Variants in KCNH6 observed in about 807,000 individuals in gnomAD.
KCNH6 encodes potassium voltage-gated channel subfamily H member 6.
KCNH6 carries 81 observed loss-of-function variants against 83.4 expected under a neutral mutation model. The observed-to-expected ratio is 0.97, with a 90% CI of 0.81 to 1.17. The LOEUF is 1.17. Among genes scored for constraint, KCNH6 ranks in the 50% most tolerant of loss-of-function variants. The pLI, the probability that KCNH6 is intolerant of heterozygous loss-of-function variation, is 0.00. For synonymous variants in KCNH6, 503 were observed against 545.6 expected (o/e 0.92, Z 1.09); for missense variants, 1,203 against 1,290.5 (o/e 0.93, Z 1.04).
rs555639857 is a variant in KCNH6 at position 63,529,016 on chromosome 17, G to A, written c.308-1075G>A. On this transcript the variant is annotated intron_variant, in intron 2 of 12. Coordinates refer to ENST00000314672, the MANE Select transcript of KCNH6 (RefSeq NM_001278919.2). ...CGCCTGGCTAATTTTTGTATTTTTA[G>A]TACAGACGGGGTTTCACCATGTTGG... Among the ~76,000 whole-genome samples, 24 of 152,226 alleles carry A rather than the reference G, an allele frequency of 1.6e-4. No homozygotes were observed. In the South Asian group the frequency reaches 3.1e-3, roughly 20 times the overall value.
At chr17:63,526,406 T>G (rs1291517286) in intron 2 of KCNH6, among the ~76,000 whole-genome samples, 2 of 151,564 alleles carry the variant, frequency 1.3e-5, no homozygotes, top group East Asian at 3.9e-4. Flanking sequence ...TTTTTTTTTT[T>G]TTTGAGACAG....
rs202097295 is a variant in KCNH6, at chr17:63,535,733, A to G, written c.1166A>G (p.Lys389Arg). ...RLLRLVRVAR[K>R]LDRYSEYGAA... is the part of the protein sequence containing the mutation. ...CTGCGGCTGGTGCGCGTAGCACGGA[A>G]GCTGGACCGCTACTCTGAGTATGGG... The change falls in exon 6 of 13, where the codon AAG becomes AGG. Residue 389 changes from lysine to arginine, a missense_variant. Physicochemically the swap from Lys to Arg is conservative, Grantham distance 26. Coordinates refer to ENST00000314672, the MANE Select transcript of KCNH6 (RefSeq NM_001278919.2). The surrounding 1 kb of genome is among the most constrained non-coding windows in gnomAD (Gnocchi z 4.9). The G allele has an allele frequency of 1.1e-4, 183 of 1,613,824 alleles. No individual in the cohort carries two copies. The highest frequency in any genetic ancestry group is 3.3e-4 in the Middle Eastern group (2 of 6,084).
Position 63,524,197 on chromosome 17 carries a change from C to T in KCNH6, c.135C>T (p.Asn45=), listed in dbSNP as rs146715979. 82 of 1,614,096 alleles carry T rather than the reference C, an allele frequency of 5.1e-5. 1 individual carries two copies. The highest frequency in any genetic ancestry group is 6.5e-5 in the Non-Finnish European group (77 of 1,180,030). ...QMENCAIIYC[N]DGFCELFGYS... is the part of the protein sequence containing the mutation. ...AGAACTGCGCCATCATTTACTGCAA[C>T]GACGGCTTCTGCGAACTCTTCGGCT... The change falls in exon 2 of 13, where the codon AAC becomes AAT. Residue 45 remains asparagine, a synonymous_variant. Transcript: ENST00000314672.
At position 63,542,557 on chromosome 17, in the gene KCNH6, C is replaced by A. The variant is rs549291144; in HGVS notation, c.2148+123C>A. The A allele has an allele frequency of 4.7e-5, 38 of 802,656 alleles. 1 individual carries two copies. In the African/African-American group the frequency reaches 6.3e-4, roughly 13 times the overall value. The allele number at this position is 802,656 out of a possible 1,614,324, so 49.7% of individuals were successfully genotyped here. On this transcript the variant is annotated intron_variant, in intron 9 of 12. Coordinates refer to ENST00000314672, the MANE Select transcript of KCNH6 (RefSeq NM_001278919.2). The stretch of plus-strand genomic sequence containing the variant: ...CATCCTGCAACCTTTGCCATAATTT[C>A]TTTTGTGCCTACCATGGCTGGCGTC...
intron 2 of KCNH6, among the ~76,000 whole-genome samples, chr17:63,529,428 C>A (rs1226881062): frequency 6.6e-6 from 1 of 152,236 alleles, no homozygotes; most frequent in Non-Finnish European, 1.5e-5. Flanking sequence ...CCCCAGCACT[C>A]TCCTCCCAAA....
In KCNH6 at chr17:63,535,629, G is replaced by A. The variant is rs2032430342; in HGVS notation, c.1102-40G>A. 1 of 1,557,580 alleles carries A rather than the reference G, an allele frequency of 6.4e-7. No homozygotes were observed. Reference sequence around the variant, plus strand: ...GCAGGCCTGACTGCACCCTTCCAAGGGCTGACCCCAGCCCTGTGACCATTT... The same window carrying A: ...GCAGGCCTGACTGCACCCTTCCAAGAGCTGACCCCAGCCCTGTGACCATTT... On this transcript the variant is annotated intron_variant, in intron 5 of 12. Coordinates refer to ENST00000314672, the MANE Select transcript of KCNH6 (RefSeq NM_001278919.2). The surrounding 1 kb of genome is among the most constrained non-coding windows in gnomAD (Gnocchi z 4.9).
At chr17:63,537,978 C>A in intron 6 of KCNH6, 87 bp from the exon 7 acceptor site, 1 of 1,316,906 alleles carries the variant, frequency 7.6e-7, no homozygotes, top group Non-Finnish European at 1.1e-6. Context: ...CACCAGGGGG[C>A]TGCTGGAAGG....
Position 63,524,203 on chromosome 17 carries a change from C to G in KCNH6, c.141C>G (p.Gly47=). 6.2e-7 allele frequency: 1 copy of G among 1,614,242 alleles called. No individual in the cohort carries two copies. The highest frequency in any genetic ancestry group is 8.5e-7 in the Non-Finnish European group (1 of 1,180,042). The change falls in exon 2 of 13, where the codon GGC becomes GGG. Residue 47 remains glycine, a synonymous_variant. Coordinates refer to ENST00000314672, the MANE Select transcript of KCNH6 (RefSeq NM_001278919.2). ...GCGCCATCATTTACTGCAACGACGGCTTCTGCGAACTCTTCGGCTACTCCC... is the reference window on the plus strand; with the variant it reads ...GCGCCATCATTTACTGCAACGACGGGTTCTGCGAACTCTTCGGCTACTCCC... ...ENCAIIYCND[G]FCELFGYSRV...
chr17:63,536,107 T>G, intron 6 of KCNH6, 39 bp downstream of exon 6: 1 of 1,579,482 alleles, frequency 6.3e-7, no homozygotes. Context: ...CTTCATGCTC[T>G]GGTCTTACCC....
At chr17:63,524,390 A>C in intron 2 of KCNH6, 21 bp downstream of exon 2, 1 of 1,599,330 alleles carries the variant, frequency 6.3e-7, no homozygotes, top group Non-Finnish European at 8.6e-7. Context: ...CTCAGGCCAG[A>C]GGCTTTGCAG....
At position 63,533,340 on chromosome 17, in the gene KCNH6, A is replaced by G. The variant is rs957209566; in HGVS notation, c.676-546A>G. On this transcript the variant is annotated intron_variant, in intron 4 of 12. Transcript: ENST00000314672. The surrounding 1 kb of genome is among the most constrained non-coding windows in gnomAD (Gnocchi z 4.1). ...GGTTGGCTACACCCCTACCCCATGG[A>G]CTCTTTCCATGGGAGGCTCTGAGTT... 6.6e-6 allele frequency among the ~76,000 whole-genome samples: 1 copy of G among 151,486 alleles called. No homozygotes were observed. Among genetic ancestry groups the G allele is most frequent in the African/African-American group, 2.4e-5 (1 of 41,194 alleles).
In KCNH6 at chr17:63,544,362, C is replaced by T. The variant is rs779327663; in HGVS notation, c.2347C>T (p.Pro783Ser). ...QSPQEDPDCW[P>S]LKLGSRLEQL... ...CCCTCAGGAAGACCCAGATTGCTGGCCTCTGAAGCTGGGCTCCAGGCTAGA... is the reference window on the plus strand; with the variant it reads ...CCCTCAGGAAGACCCAGATTGCTGGTCTCTGAAGCTGGGCTCCAGGCTAGA... Residue 783 changes from proline to serine, a missense_variant, in exon 11 of 13, where the codon CCT (proline) becomes TCT (serine). Transcript: ENST00000314672. 4 of 1,610,156 alleles carry T rather than the reference C, an allele frequency of 2.5e-6. No homozygotes were observed. Among genetic ancestry groups the T allele is most frequent in the East Asian group, 4.5e-5 (2 of 44,848 alleles).
rs78596350 is a variant in KCNH6 at position 63,539,964 on chromosome 17, C to A, written c.1954+1302C>A. On this transcript the variant is annotated intron_variant, in intron 8 of 12. Transcript: ENST00000314672. ...CTGTCCTACCACCCTCCCCCTGGTA[C>A]TTCATGCTCCAGCCAAACTACTTAG... Among the ~76,000 whole-genome samples, 771 of 152,354 alleles carry A rather than the reference C, an allele frequency of 5.1e-3. 9 individuals are homozygous for A. The highest frequency in any genetic ancestry group is 0.018 in the African/African-American group (747 of 41,580).
rs2032018257 is a variant in KCNH6 at position 63,530,386 on chromosome 17, C to T, written c.519C>T (p.Gly173=). 6.2e-7 allele frequency: 1 copy of T among 1,614,176 alleles called. No individual in the cohort carries two copies. The highest frequency in any genetic ancestry group is 1.7e-5 in the Admixed American group (1 of 60,032). The stretch of plus-strand genomic sequence containing the variant: ...GACCAGGGCCAGGCACAGGCAGGGG[C>T]AAGTACAGGACCATCAGCCAGATCC... The part of the protein sequence containing the change: ...PGGPGPGTGR[G]KYRTISQIPQ... The change falls in exon 4 of 13, where the codon GGC becomes GGT. Residue 173 remains glycine (G), a synonymous_variant. Transcript: ENST00000314672.
chr17:63,529,875 A>G (rs79701979), intron 2 of KCNH6, among the ~76,000 whole-genome samples: 1 of 152,110 alleles, frequency 6.6e-6, no homozygotes, highest in Non-Finnish European at 1.5e-5. Context: ...ATCTCCTAAT[A>G]AGCAGCTTAA....
downstream of KCNH6, among the ~76,000 whole-genome samples, chr17:63,548,160 G>A (rs895434327): frequency 1.3e-5 from 2 of 152,186 alleles, no homozygotes; most frequent in Non-Finnish European, 2.9e-5. Flanking sequence ...CAGCTACTCG[G>A]GAGGCTGAGG....
chr17:63,529,572 C>A (rs529514009), intron 2 of KCNH6, among the ~76,000 whole-genome samples: 2 of 152,208 alleles, frequency 1.3e-5, no homozygotes, highest in African/African-American at 4.8e-5. Context: ...TCCATGCCTG[C>A]CCCCCAAGGA....
Position 63,538,518 on chromosome 17 carries a change from C to A in KCNH6, c.1810C>A (p.Arg604Ser). Residue 604 changes from arginine (R) to serine (S), a missense_variant, in exon 8 of 13, where the codon CGC becomes AGC. By Grantham distance (110) the Arg-to-Ser change is moderately radical. Coordinates refer to ENST00000314672, the MANE Select transcript of KCNH6 (RefSeq NM_001278919.2). The surrounding 1 kb of genome is among the most constrained non-coding windows in gnomAD (Gnocchi z 4.0). Reference sequence around the variant, plus strand: ...CAGCGGCGCCGGCAAGGGCTGCCTGCGCGCGCTAGCCGTCAAGTTCAAGAC... The same window carrying A: ...CAGCGGCGCCGGCAAGGGCTGCCTGAGCGCGCTAGCCGTCAAGTTCAAGAC... ...AFSGAGKGCLRALAVKFKTTH... is the reference protein window; with the variant it reads ...AFSGAGKGCLSALAVKFKTTH... 6.2e-7 allele frequency: 1 copy of A among 1,604,914 alleles called. No individual in the cohort carries two copies. Among genetic ancestry groups the A allele is most frequent in the Non-Finnish European group, 8.5e-7 (1 of 1,176,252 alleles).
In KCNH6 at chr17:63,530,222, C is replaced by T. The variant is rs745927926; in HGVS notation, c.439C>T (p.Arg147Cys). The T allele has an allele frequency of 1.1e-5, 17 of 1,614,062 alleles. No homozygotes were observed. The highest frequency in any genetic ancestry group is 3.3e-5 in the South Asian group (3 of 91,088). ...GTGCAGCAGCCGCAGCTTGTCCCAGCGCCTGTTGTCCCAGAGCTTCCTGGG... is the reference window on the plus strand; with the variant it reads ...GTGCAGCAGCCGCAGCTTGTCCCAGTGCCTGTTGTCCCAGAGCTTCCTGGG... ...AKCSSRSLSQRLLSQSFLGSE... is the reference protein window; with the variant it reads ...AKCSSRSLSQCLLSQSFLGSE... The change falls in exon 3 of 13, where the codon CGC becomes TGC. Residue 147 changes from arginine (R) to cysteine (C), a missense_variant. By Grantham distance (180) the Arg-to-Cys change is radical. Coordinates refer to ENST00000314672, the MANE Select transcript of KCNH6 (RefSeq NM_001278919.2).
Sources: gnomAD v4.1 joint callset for allele counts (sites outside exome capture counted in the v4.1 genomes callset) on GRCh38, gnomAD v4.1.1 for gene constraint, Gnocchi (gnomAD v3.1) non-coding constraint, MANE v1.5 for transcripts, NCBI Gene and HGNC (gene_info 2026-07-23, HGNC 2026-07-21) for gene names.